Variants in FRAS1 observed in about 807,000 individuals in gnomAD.
FRAS1 encodes Fraser extracellular matrix complex subunit 1.
In FRAS1, 290 loss-of-function variants were observed where a neutral mutation model predicts 435.2. The ratio of observed to expected loss-of-function variants is 0.67; its 90% confidence interval spans 0.61 to 0.73. FRAS1 has a LOEUF of 0.73. FRAS1 is among the 30% of genes least tolerant of loss of function. The pLI is 0.00. For synonymous variants in FRAS1, 1,800 were observed against 1,851.0 expected (o/e 0.97, Z 0.71); for missense variants, 4,860 against 5,001.5 (o/e 0.97, Z 0.85).
intron 51 of FRAS1, 90 bp downstream of exon 51, chr4:78,470,181 A>G: frequency 1.3e-6 from 1 of 778,740 alleles, no homozygotes; most frequent in Middle Eastern, 2.3e-4. Context: ...AGTCCAGTTC[A>G]GCTCACCTGT....
At chr4:78,540,373 G>T (rs1722009991) in intron 73 of FRAS1, among the ~76,000 whole-genome samples, 158 bp from the exon 74 acceptor site, 1 of 152,120 alleles carries the variant, frequency 6.6e-6, no homozygotes, top group South Asian at 2.1e-4. Flanking sequence ...ACCCATATCT[G>T]GTTCAGTTCT....
chr4:78,466,531 G>A (rs1455300756), intron 50 of FRAS1, 96 bp downstream of exon 50: 11 of 894,084 alleles, frequency 1.2e-5, no homozygotes, highest in East Asian at 5.3e-5. Context: ...TTGAGTTCTC[G>A]TTCTATCAGT....
chr4:78,254,253 T>A (rs1253368809), intron 5 of FRAS1, among the ~76,000 whole-genome samples: 1 of 152,216 alleles, frequency 6.6e-6, no homozygotes, highest in African/African-American at 2.4e-5. Flanking sequence ...TATTAGGCAC[T>A]CTCACAACAT....
chr4:78,498,613 A>T (rs566037465), intron 60 of FRAS1, among the ~76,000 whole-genome samples: 1 of 152,092 alleles, frequency 6.6e-6, no homozygotes, highest in African/African-American at 2.4e-5. Context: ...CTTATCTTCT[A>T]CAGTTAGGAA....
rs1053235219 is a variant in FRAS1, at chr4:78,237,502, C to G, written c.109-8C>G. 2 of 1,608,672 alleles carry G rather than the reference C, an allele frequency of 1.2e-6. No homozygotes were observed. The highest frequency in any genetic ancestry group is 1.7e-6 in the Non-Finnish European group (2 of 1,175,352). ...AGTTTTTAAATCAGAGCTTATGCCT[C>G]TTTACAGGATGCCACAATTTGGAAG... On this transcript the variant is annotated splice_region_variant and splice_polypyrimidine_tract_variant and intron_variant, in intron 2 of 73. Transcript: ENST00000512123.
At position 78,374,134 on chromosome 4, in the gene FRAS1, T is replaced by C; in HGVS notation, c.3034T>C (p.Cys1012Arg). ...AGACTGTGACAGCTACTGTCTCCAG[T>C]GCCAAGGTCCCCATGAGTGTACCCG... ...CKNCDSYCLQ[C>R]QGPHECTRCK... is the part of the protein sequence containing the mutation. The change falls in exon 25 of 74, where the codon TGC becomes CGC. Residue 1012 changes from cysteine (C) to arginine (R), a missense_variant. Coordinates refer to ENST00000512123, the MANE Select transcript of FRAS1 (RefSeq NM_025074.7). 1 of 1,595,954 alleles carries C rather than the reference T, an allele frequency of 6.3e-7. No individual in the cohort carries two copies. Among genetic ancestry groups the C allele is most frequent in the Non-Finnish European group, 8.6e-7 (1 of 1,166,576 alleles).
intron 7 of FRAS1, among the ~76,000 whole-genome samples, chr4:78,265,519 A>C (rs996046631): frequency 1.3e-5 from 2 of 152,100 alleles, no homozygotes; most frequent in African/African-American, 4.8e-5. Flanking sequence ...ACTGGGGAAA[A>C]CCTGGCGGTG....
chr4:78,203,169 G>T (rs2058972145), intron 2 of FRAS1, among the ~76,000 whole-genome samples: 1 of 152,158 alleles, frequency 6.6e-6, no homozygotes. Flanking sequence ...TTAATTGAGT[G>T]CTTCTTCTGT....
At chr4:78,163,090 T>G (rs1002759930) in intron 2 of FRAS1, among the ~76,000 whole-genome samples, 6 of 152,236 alleles carry the variant, frequency 3.9e-5, no homozygotes, top group African/African-American at 1.4e-4. Context: ...CAACATTTCA[T>G]GTATTGCTGT....
chr4:78,415,008 A>T (rs927189137), intron 32 of FRAS1, among the ~76,000 whole-genome samples: 2 of 152,206 alleles, frequency 1.3e-5, no homozygotes, highest in Non-Finnish European at 2.9e-5. Context: ...AGTGTAAATT[A>T]TCTAGAGATC....
intron 3 of FRAS1, among the ~76,000 whole-genome samples, chr4:78,243,168 G>A (rs1560599186): frequency 1.3e-5 from 2 of 152,000 alleles, no homozygotes; most frequent in Non-Finnish European, 1.5e-5. Flanking sequence ...TAATAAAGTT[G>A]TTGTGAAAAT....
chr4:78,479,406 T>C lies in FRAS1; in HGVS notation c.8131T>C (p.Tyr2711His), dbSNP rs541053205. 114 of 1,524,566 alleles carry C rather than the reference T, an allele frequency of 7.5e-5. 2 individuals carry two copies. The South Asian group carries it at 1.4e-3, about 19-fold the overall frequency. The allele number at this position is 1,524,566 out of a possible 1,614,324, so 94.4% of individuals were successfully genotyped here. The change falls in exon 56 of 74, where the codon TAC becomes CAC. Residue 2711 changes from tyrosine to histidine, a missense_variant. Physicochemically the swap from Tyr to His is moderately conservative, Grantham distance 83 (BLOSUM62 2). Transcript: ENST00000512123. The part of the protein sequence containing the change: ...DASSIVSAIC[Y>H]TVPKSAMGSS... ...AAGCAGCATTGTATCTGCAATTTGCTACACAGTCCCTAAGTCAGCTATGGG... is the reference window on the plus strand; with the variant it reads ...AAGCAGCATTGTATCTGCAATTTGCCACACAGTCCCTAAGTCAGCTATGGG...
chr4:78,322,783 C>CT (rs1194501714), intron 18 of FRAS1, among the ~76,000 whole-genome samples: 1 of 152,218 alleles, frequency 6.6e-6, no homozygotes, highest in African/African-American at 2.4e-5. Context: ...GGAGGACAGT[C>CT]TGTCTTTATT....
intron 24 of FRAS1, 134 bp downstream of exon 24, chr4:78,372,992 CTA>C: frequency 1.0e-6 from 1 of 1,001,750 alleles, no homozygotes; most frequent in Non-Finnish European, 1.4e-6. Context: ...TTCCTAAGAG[CTA>C]TCTTTGTTAT....
In FRAS1 at chr4:78,363,564, G is replaced by A. The variant is rs1731158268; in HGVS notation, c.2474G>A (p.Ser825Asn). 1.3e-5 allele frequency: 21 copies of A among 1,613,242 alleles called. No homozygotes were observed. The highest frequency in any genetic ancestry group is 1.8e-5 in the Non-Finnish European group (21 of 1,179,604). ...HCAADLHNTG[S>N]ICLRCQNAHY... is the part of the protein sequence containing the mutation. ...GCAGCTGATCTCCACAACACTGGGA[G>A]CATCTGCCTCAGGTGCCAGAATGCC... Residue 825 changes from serine to asparagine, a missense_variant, in exon 21 of 74, where the codon AGC (serine) becomes AAC (asparagine). By Grantham distance (46) the Ser-to-Asn change is conservative (BLOSUM62 1). Transcript: ENST00000512123.
chr4:78,419,076 G>A lies in FRAS1; in HGVS notation c.4540+13G>A, dbSNP rs768076539. On this transcript the variant is annotated intron_variant, in intron 33 of 73. Coordinates refer to ENST00000512123, the MANE Select transcript of FRAS1 (RefSeq NM_025074.7). ...CATCCAAATCAAGGTAAGATGTGCA[G>A]TAAATGATCTTTTGAGTGATATTAT... is the stretch of plus-strand genomic sequence containing the variant. The A allele has an allele frequency of 3.3e-5, 47 of 1,406,256 alleles. No homozygotes were observed. The highest frequency in any genetic ancestry group is 4.4e-5 in the Non-Finnish European group (45 of 1,025,990). The allele number at this position is 1,406,256 out of a possible 1,614,324, so 87.1% of individuals were successfully genotyped here. A position where few individuals can be genotyped will look rare whatever the true frequency, so the allele number is the denominator to read the frequency against.
intron 2 of FRAS1, among the ~76,000 whole-genome samples, chr4:78,203,534 C>T (rs772484997): frequency 6.6e-6 from 1 of 151,904 alleles, no homozygotes; most frequent in Non-Finnish European, 1.5e-5. Context: ...CTTGTTTCAG[C>T]TCTTCTCTCT....
At chr4:78,381,926 A>G (rs1433277824) in intron 27 of FRAS1, among the ~76,000 whole-genome samples, 1 of 152,250 alleles carries the variant, frequency 6.6e-6, no homozygotes, top group African/African-American at 2.4e-5. Flanking sequence ...GAGAAGAATA[A>G]TAAAACGAGG....
At chr4:78,279,910 G>A (rs771501831) in intron 10 of FRAS1, among the ~76,000 whole-genome samples, 2 of 152,080 alleles carry the variant, frequency 1.3e-5, no homozygotes, top group African/African-American at 4.8e-5. Context: ...GATCCTGATT[G>A]GCATCAGTTG....
Sources: allele counts gnomAD v4.1 joint callset (sites outside exome capture counted in the v4.1 genomes callset), GRCh38; gene constraint gnomAD v4.1.1; transcripts MANE v1.5; gene names NCBI Gene and HGNC (gene_info 2026-07-23, HGNC 2026-07-21).